VEGFC: variants seen among roughly 807,000 people sequenced by gnomAD.
VEGFC encodes FLT4 ligand DHM.
In VEGFC, 12 loss-of-function variants were observed where a neutral mutation model predicts 46.1. The ratio of observed to expected loss-of-function variants is 0.26; its 90% CI spans 0.17 to 0.42. The LOEUF (loss-of-function observed/expected upper bound fraction) is 0.42. Ranked by LOEUF, VEGFC falls within the 10% of genes least tolerant of loss-of-function variation. VEGFC has a pLI of 1.00. For synonymous variants in VEGFC, 232 were observed against 195.5 expected (o/e 1.19, Z -1.56); for missense variants, 488 against 529.4 (o/e 0.92, Z 0.77).
At chr4:176,747,619 C>A (rs534698445) in intron 1 of VEGFC, among the ~76,000 whole-genome samples, 3 of 152,076 alleles carry the variant, frequency 2.0e-5, no homozygotes, top group African/African-American at 7.2e-5. Flanking sequence ...CAGCGAGACC[C>A]CCATCTCTAC....
intron 1 of VEGFC, among the ~76,000 whole-genome samples, chr4:176,754,501 T>G (rs1250787889): frequency 6.6e-6 from 1 of 152,050 alleles, no homozygotes; most frequent in East Asian, 1.9e-4. Flanking sequence ...CCTTGGCTCA[T>G]GGCTTCCTTC....
rs1230794126 is a variant in VEGFC at position 176,766,635 on chromosome 4, G to C, written c.147+25530C>G. On this transcript the variant is annotated intron_variant, in intron 1 of 6. Transcript: ENST00000618562. Reference sequence around the variant, plus strand: ...AAAGAAAAGATACTATGGAACTTCAGAATTTCAGGCAGTGTGATACTAATG... The same window carrying C: ...AAAGAAAAGATACTATGGAACTTCACAATTTCAGGCAGTGTGATACTAATG... 2.0e-5 allele frequency among the ~76,000 whole-genome samples: 3 copies of C among 150,164 alleles called. No individual in the cohort carries two copies. The East Asian group carries it at 5.8e-4, about 29-fold the overall frequency.
chr4:176,729,288 C>T (rs968743329), intron 2 of VEGFC, among the ~76,000 whole-genome samples: 5 of 152,130 alleles, frequency 3.3e-5, no homozygotes, highest in African/African-American at 1.2e-4. Context: ...CAATGGCTAT[C>T]ACCTGAAAAA....
intron 4 of VEGFC, among the ~76,000 whole-genome samples, chr4:176,702,084 C>A (rs1422089732): frequency 2.6e-5 from 4 of 152,030 alleles, no homozygotes; most frequent in African/African-American, 2.4e-5. Context: ...TATTAATAGA[C>A]CAAAAACACG....
At chr4:176,764,638 A>C (rs1408397624) in intron 1 of VEGFC, among the ~76,000 whole-genome samples, 1 of 152,196 alleles carries the variant, frequency 6.6e-6, no homozygotes, top group Non-Finnish European at 1.5e-5. Context: ...ATCCTGAAAG[A>C]CAACTCCCAA....
chr4:176,739,983 CTATA>C (rs5864403), intron 1 of VEGFC, among the ~76,000 whole-genome samples: 997 of 13,454 alleles, frequency 0.074, 106 homozygotes, highest in East Asian at 0.38. Context: ...ATATATATAA[CTATA>C]TATTCGATAT....
intron 6 of VEGFC, 22 bp from the exon 7 acceptor site, chr4:176,684,062 CACTT>C (rs1294953223): frequency 6.4e-7 from 1 of 1,571,512 alleles, no homozygotes; most frequent in Non-Finnish European, 8.8e-7. Flanking sequence ...AACAAGAACA[CACTT>C]ACGTTAAAGA....
intron 4 of VEGFC, among the ~76,000 whole-genome samples, chr4:176,703,527 C>T (rs1734472225): frequency 6.6e-6 from 1 of 151,938 alleles, no homozygotes; most frequent in Admixed American, 6.6e-5. Context: ...TTCCAAAGTA[C>T]AGTTATATAG....
At chr4:176,740,353 ATAGT>A (rs1410358720) in intron 1 of VEGFC, among the ~76,000 whole-genome samples, 2 of 120,732 alleles carry the variant, frequency 1.7e-5, no homozygotes, top group East Asian at 4.5e-4. Context: ...ATATTTATAT[ATAGT>A]TATATATATT....
intron 1 of VEGFC, among the ~76,000 whole-genome samples, chr4:176,768,628 G>A (rs1376075585): frequency 6.6e-6 from 1 of 151,194 alleles, no homozygotes; most frequent in African/African-American, 2.4e-5. Context: ...ACCTCAGCAG[G>A]GAGAACACCT....
At chr4:176,762,232 T>C (rs1460489869) in intron 1 of VEGFC, among the ~76,000 whole-genome samples, 1 of 152,208 alleles carries the variant, frequency 6.6e-6, no homozygotes, top group East Asian at 1.9e-4. Context: ...TGAATTCTAA[T>C]TGCCAATGTA....
At chr4:176,688,741 C>A (rs1734093449) in intron 4 of VEGFC, among the ~76,000 whole-genome samples, 1 of 152,118 alleles carries the variant, frequency 6.6e-6, no homozygotes, top group African/African-American at 2.4e-5. Context: ...CTGTTGCTAC[C>A]TGAGACCCCT....
chr4:176,687,908 T>A lies in VEGFC; in HGVS notation c.724A>T (p.Thr242Ser). The change falls in exon 5 of 7, where the codon ACC becomes TCC. Residue 242 changes from threonine to serine, a missense_variant. Physicochemically the swap from Thr to Ser is moderately conservative, Grantham distance 58 (BLOSUM62 1). Coordinates refer to ENST00000618562, the MANE Select transcript of VEGFC (RefSeq NM_005429.5). ...TTCCACATGTAATTGGTGGGGCAGG[T>A]CTTGTTCGCTGCCTGACACCTTTGG... ...TLPQCQAANK[T>S]CPTNYMWNNH... 1 of 1,612,898 alleles carries A rather than the reference T, an allele frequency of 6.2e-7. No individual in the cohort carries two copies. Among genetic ancestry groups the A allele is most frequent in the Non-Finnish European group, 8.5e-7 (1 of 1,179,380 alleles).
In VEGFC at chr4:176,792,515, G is replaced by A. The variant is rs1216201843; in HGVS notation, c.-204C>T. The A allele has an allele frequency of 9.9e-6, 4 of 403,586 alleles. No individual in the cohort carries two copies. In the Admixed American group the frequency reaches 1.8e-4, roughly 18 times the overall value. 25.0% of individuals were successfully genotyped at this position (403,586 alleles called of 1,614,324 possible). On this transcript the variant is annotated 5_prime_UTR_variant, in exon 1 of 7. Coordinates refer to ENST00000618562, the MANE Select transcript of VEGFC (RefSeq NM_005429.5). The surrounding 1 kb of genome is among the most constrained non-coding windows in gnomAD (Gnocchi z 6.3). ...GCAGGGCGCCCTCCCAGCCAGTGCC[G>A]GGGAAAGGCGGCGGGTGTCAGGTAA...
intron 4 of VEGFC, among the ~76,000 whole-genome samples, chr4:176,707,168 A>G (rs1023281465): frequency 2.0e-5 from 3 of 152,158 alleles, no homozygotes; most frequent in Non-Finnish European, 4.4e-5. Context: ...GTTTCCAGTT[A>G]TTGACTAATA....
Position 176,687,389 on chromosome 4 carries a change from A to C in VEGFC, c.943T>G (p.Cys315Gly). The C allele has an allele frequency of 6.2e-7, 1 of 1,614,200 alleles. No individual in the cohort carries two copies. Among genetic ancestry groups the C allele is most frequent in the East Asian group, 2.2e-5 (1 of 44,864 alleles). ...GPHKELDRNS[C>G]QCVCKNKLFP... ...AGTTTGTTTTTACAGACACACTGGCATGAGTTTCTGTCTAGTTCTTTGTGG... is the reference window on the plus strand; with the variant it reads ...AGTTTGTTTTTACAGACACACTGGCCTGAGTTTCTGTCTAGTTCTTTGTGG... Residue 315 changes from cysteine to glycine, a missense_variant, in exon 6 of 7, where the codon TGC becomes GGC. Cys to Gly is a radical substitution (Grantham distance 159). Transcript: ENST00000618562.
At chr4:176,718,582 T>A (rs1433168284) in intron 3 of VEGFC, among the ~76,000 whole-genome samples, 1 of 152,120 alleles carries the variant, frequency 6.6e-6, no homozygotes, top group Non-Finnish European at 1.5e-5. Context: ...CAATGTAGAA[T>A]TTAAAATAAT....
intron 1 of VEGFC, among the ~76,000 whole-genome samples, chr4:176,760,222 T>C (rs1286757973): frequency 3.3e-5 from 5 of 152,156 alleles, no homozygotes; most frequent in Non-Finnish European, 1.5e-5. Context: ...ATAGTACAGA[T>C]ATATATTTTA....
intron 1 of VEGFC, among the ~76,000 whole-genome samples, chr4:176,752,506 G>A (rs1257080795): frequency 1.3e-5 from 2 of 152,038 alleles, no homozygotes; most frequent in Admixed American, 1.3e-4. Context: ...AGGATGAAGG[G>A]ATAAGATGCA....
Sources: allele counts gnomAD v4.1 joint callset (sites outside exome capture counted in the v4.1 genomes callset), GRCh38; gene constraint gnomAD v4.1.1; non-coding constraint Gnocchi (gnomAD v3.1); transcripts MANE v1.5; gene names NCBI Gene and HGNC (gene_info 2026-07-23, HGNC 2026-07-21).